GAB1: variants seen among roughly 807,000 people sequenced by gnomAD.
GAB1 encodes the protein GRB2-associated-binding protein 1.
Under a neutral mutation model 66.5 loss-of-function variants are expected in GAB1, and 19 were observed. The observed-to-expected ratio is 0.29, with a 90% confidence interval of 0.20 to 0.42. The LOEUF (loss-of-function observed/expected upper bound fraction) is 0.42, where lower values mean the gene tolerates loss of function less well. GAB1 is among the 10% of genes least tolerant of loss of function. The pLI is 1.00. For synonymous variants in GAB1, 294 were observed against 301.4 expected (o/e 0.98, Z 0.25); for missense variants, 732 against 858.5 (o/e 0.85, Z 1.84).
chr4:143,397,178 C>T (rs903471159), intron 1 of GAB1, among the ~76,000 whole-genome samples: 6 of 151,984 alleles, frequency 3.9e-5, no homozygotes, highest in African/African-American at 1.2e-4. Context: ...AGATCTCTGC[C>T]GTCAAGTAGC....
intron 6 of GAB1, among the ~76,000 whole-genome samples, chr4:143,442,252 A>C (rs1734285696): frequency 6.6e-6 from 1 of 152,186 alleles, no homozygotes; most frequent in Non-Finnish European, 1.5e-5. Flanking sequence ...TCCAGTAACG[A>C]GTGCATGTTA....
At chr4:143,421,161 A>G (rs1386334521) in intron 2 of GAB1, among the ~76,000 whole-genome samples, 1 of 152,098 alleles carries the variant, frequency 6.6e-6, no homozygotes, top group African/African-American at 2.4e-5. Context: ...CTATTCTTGA[A>G]CTTAGGAACC....
intron 2 of GAB1, among the ~76,000 whole-genome samples, chr4:143,421,013 G>A (rs969974604): frequency 9.9e-5 from 15 of 151,992 alleles, no homozygotes; most frequent in Admixed American, 3.9e-4. Context: ...AGATACAGAT[G>A]TCTGTGTAAC....
At chr4:143,440,642 G>A (rs897610618) in intron 6 of GAB1, among the ~76,000 whole-genome samples, 15 of 152,094 alleles carry the variant, frequency 9.9e-5, no homozygotes, top group Non-Finnish European at 1.6e-4. Flanking sequence ...CGGGGTGAGC[G>A]GACAACTGGG....
intron 6 of GAB1, among the ~76,000 whole-genome samples, chr4:143,446,742 G>C (rs1359100754): frequency 6.6e-6 from 1 of 152,066 alleles, no homozygotes; most frequent in Non-Finnish European, 1.5e-5. Context: ...CATTTTGTAA[G>C]TTGCCTGTTC....
chr4:143,428,854 G>C (rs1384143573), intron 2 of GAB1, among the ~76,000 whole-genome samples: 1 of 111,622 alleles, frequency 9.0e-6, no homozygotes, highest in African/African-American at 3.3e-5. Flanking sequence ...GTTGTGGGGT[G>C]GGGGGAGGGG....
intron 2 of GAB1, among the ~76,000 whole-genome samples, chr4:143,417,841 C>T (rs745985858): frequency 6.6e-6 from 1 of 152,238 alleles, no homozygotes; most frequent in Non-Finnish European, 1.5e-5. Flanking sequence ...TAAAGGTGAA[C>T]TGTGGTCTTT....
intron 2 of GAB1, among the ~76,000 whole-genome samples, chr4:143,426,233 G>T (rs944001380): frequency 1.3e-5 from 2 of 152,176 alleles, no homozygotes; most frequent in African/African-American, 4.8e-5. Context: ...AGGTGAATGG[G>T]TCTTAACAGA....
At chr4:143,370,408 G>GTTGTGC (rs1730069363) in intron 1 of GAB1, among the ~76,000 whole-genome samples, 1 of 152,118 alleles carries the variant, frequency 6.6e-6, no homozygotes, top group East Asian at 1.9e-4. Context: ...GTAGAACAAG[G>GTTGTGC]ATTGTTGCAG....
rs767692877 is a variant in GAB1 at position 143,337,194 on chromosome 4, C to G, written c.6C>G (p.Ser2Arg). The G allele has an allele frequency of 5.7e-6, 9 of 1,579,534 alleles. No individual in the cohort carries two copies. Among genetic ancestry groups the G allele is most frequent in the East Asian group, 4.6e-5 (2 of 43,722 alleles). ...GAGCCCGAGACGCGCGCACCATGAG[C>G]GGTGGTGAAGTGGTCTGCTCCGGAT... M[S>R]GGEVVCSGWL... is the part of the protein sequence containing the mutation. The change falls in exon 1 of 10, where the codon AGC becomes AGG. Residue 2 changes from serine to arginine, a missense_variant. Coordinates refer to ENST00000262994, the MANE Select transcript of GAB1 (RefSeq NM_002039.4).
chr4:143,380,256 T>G (rs942260220), intron 1 of GAB1, among the ~76,000 whole-genome samples: 3 of 152,078 alleles, frequency 2.0e-5, no homozygotes, highest in Non-Finnish European at 1.5e-5. Context: ...TAATTTTACT[T>G]ATCAGATTTT....
chr4:143,370,436 T>C (rs1437509063), intron 1 of GAB1, among the ~76,000 whole-genome samples: 3 of 152,188 alleles, frequency 2.0e-5, no homozygotes, highest in Non-Finnish European at 4.4e-5. Context: ...CAGATCAGAC[T>C]CTTCAGGCTC....
At chr4:143,410,762 A>G (rs1434958561) in intron 1 of GAB1, among the ~76,000 whole-genome samples, 7 of 152,218 alleles carry the variant, frequency 4.6e-5, no homozygotes, top group Non-Finnish European at 7.3e-5. Context: ...TTATATCACT[A>G]TCCCTGCAAT....
chr4:143,349,221 T>TA (rs1454821991), intron 1 of GAB1: 1 of 603,432 alleles, frequency 1.7e-6, no homozygotes, highest in African/African-American at 1.9e-5. Context: ...TTTCATTTTT[T>TA]ATTTTGATTT....
chr4:143,410,314 T>A (rs752962834), intron 1 of GAB1, among the ~76,000 whole-genome samples: 1 of 152,228 alleles, frequency 6.6e-6, no homozygotes, highest in Non-Finnish European at 1.5e-5. Flanking sequence ...TGTTTTTCTT[T>A]AAAGCTGAAG....
chr4:143,378,264 A>ATGTAGCAGATG (rs1405041958), intron 1 of GAB1, among the ~76,000 whole-genome samples: 2 of 152,238 alleles, frequency 1.3e-5, no homozygotes, highest in African/African-American at 4.8e-5. Flanking sequence ...AGACCTGAAG[A>ATGTAGCAGATG]TGTAGCAGAT....
chr4:143,414,157 T>C (rs1332880666), intron 1 of GAB1, among the ~76,000 whole-genome samples: 1 of 152,078 alleles, frequency 6.6e-6, no homozygotes, highest in African/African-American at 2.4e-5. Context: ...TTACCTAGAA[T>C]GTTGAATCTG....
chr4:143,382,471 C>T (rs1334802551), intron 1 of GAB1, among the ~76,000 whole-genome samples: 1 of 152,102 alleles, frequency 6.6e-6, no homozygotes, highest in African/African-American at 2.4e-5. Context: ...GTATTTGGGA[C>T]TTGGGGAAAC....
intron 1 of GAB1, among the ~76,000 whole-genome samples, chr4:143,403,031 G>A (rs1315011416): frequency 3.9e-5 from 6 of 152,220 alleles, no homozygotes; most frequent in Admixed American, 3.9e-4. Context: ...TTTCTAACAT[G>A]TTGAAAGCAG....
Sources: allele counts gnomAD v4.1 joint callset (sites outside exome capture counted in the v4.1 genomes callset), GRCh38; gene constraint gnomAD v4.1.1; transcripts MANE v1.5; gene names NCBI Gene and HGNC (gene_info 2026-07-23, HGNC 2026-07-21).